EDC4: variants seen among roughly 807,000 people sequenced by gnomAD.
EDC4 encodes enhancer of mRNA-decapping protein 4.
A neutral mutation model predicts 155.8 loss-of-function variants in EDC4; 64 were observed. The ratio of observed to expected loss-of-function variants is 0.41; its 90% CI spans 0.34 to 0.51. The LOEUF (loss-of-function observed/expected upper bound fraction) is 0.51. EDC4 is among the 20% of genes least tolerant of loss of function. The probability of loss-of-function intolerance (pLI) is 0.19; values close to 1 mark genes in which losing one functional copy is unlikely to be tolerated. For missense variants in EDC4, 1,303 were observed against 1,812.5 expected, an observed-to-expected ratio of 0.72 and a Z score of 5.10; for synonymous variants, 684 against 716.8, an observed-to-expected ratio of 0.95 and a Z score of 0.73.
chr16:67,876,711 C>T lies in EDC4; in HGVS notation c.351+112C>T. 6.4e-7 allele frequency: 1 copy of T among 1,553,942 alleles called. No homozygotes were observed. The highest frequency in any genetic ancestry group is 8.7e-7 in the Non-Finnish European group (1 of 1,147,554). On this transcript the variant is annotated intron_variant, in intron 3 of 28. Coordinates refer to ENST00000358933, the MANE Select transcript of EDC4 (RefSeq NM_014329.5). The surrounding 1 kb of genome is among the most constrained non-coding windows in gnomAD (Gnocchi z 5.8). The stretch of plus-strand genomic sequence containing the variant: ...GACCACCTTGACACTTTCCCAGTTT[C>T]AGGAAGCCAGGGCTGGGTGCCAAGC...
At position 67,877,182 on chromosome 16, in the gene EDC4, T is replaced by TA. The variant is rs2058045305; in HGVS notation, c.452-34dup. On this transcript the variant is annotated intron_variant, in intron 4 of 28. Coordinates refer to ENST00000358933, the MANE Select transcript of EDC4 (RefSeq NM_014329.5). The surrounding 1 kb of genome is among the most constrained non-coding windows in gnomAD (Gnocchi z 4.9). ...TTCTCTGCTACTGCCTGAGCCTGGATACGTATTCATGGTCCACTGCTCTCC... is the reference window on the plus strand; with the variant it reads ...TTCTCTGCTACTGCCTGAGCCTGGATAACGTATTCATGGTCCACTGCTCTCC... The TA allele has an allele frequency of 1.9e-6, 3 of 1,591,010 alleles. No individual in the cohort carries two copies. The South Asian group carries it at 3.4e-5, about 18-fold the overall frequency.
rs1183062607 is a variant in EDC4 at position 67,879,318 on chromosome 16, G to T, written c.1541+9G>T. ...TTTTGTGTGCATACTAAGTGAGTGA[G>T]TGGGGAGGCCCGCCAGTGTCCTGTC... On this transcript the variant is annotated intron_variant, in intron 13 of 28. Coordinates refer to ENST00000358933, the MANE Select transcript of EDC4 (RefSeq NM_014329.5). The surrounding 1 kb of genome is among the most constrained non-coding windows in gnomAD (Gnocchi z 6.0). 23 of 1,614,084 alleles carry T rather than the reference G, an allele frequency of 1.4e-5. No homozygotes were observed. The highest frequency in any genetic ancestry group is 1.8e-5 in the Non-Finnish European group (21 of 1,180,026).
At chr16:67,874,274 G>C (rs1442471731) in intron 1 of EDC4, among the ~76,000 whole-genome samples, 1 of 152,222 alleles carries the variant, frequency 6.6e-6, no homozygotes, top group African/African-American at 2.4e-5. Context: ...AGTGGCCGGT[G>C]ATGATGGTGT....
In EDC4 at chr16:67,883,854, C is replaced by CT. The variant is rs2058081700; in HGVS notation, c.4014-101dup. 1 of 1,536,462 alleles carries CT rather than the reference C, an allele frequency of 6.5e-7. No individual in the cohort carries two copies. The highest frequency in any genetic ancestry group is 8.8e-7 in the Non-Finnish European group (1 of 1,135,110). On this transcript the variant is annotated intron_variant, in intron 28 of 28. Coordinates refer to ENST00000358933, the MANE Select transcript of EDC4 (RefSeq NM_014329.5). The surrounding 1 kb of genome is among the most constrained non-coding windows in gnomAD (Gnocchi z 5.3). Reference sequence around the variant, plus strand: ...CCCTAATTTTCTCCACCAGTCCTTTCTGCCTTCACCCAGAGGGTTCCCTCT... The same window carrying CT: ...CCCTAATTTTCTCCACCAGTCCTTTCTTGCCTTCACCCAGAGGGTTCCCTCT...
Position 67,879,368 on chromosome 16 carries a change from C to G in EDC4, c.1542-44C>G. 1.9e-6 allele frequency: 3 copies of G among 1,614,200 alleles called. No individual in the cohort carries two copies. Among genetic ancestry groups the G allele is most frequent in the Non-Finnish European group, 2.5e-6 (3 of 1,180,030 alleles). ...CTGTGTCTGTCTCCACTCTACTGACCCTTGCCCTTGGAGCACTTTATTCTC... is the reference window on the plus strand; with the variant it reads ...CTGTGTCTGTCTCCACTCTACTGACGCTTGCCCTTGGAGCACTTTATTCTC... On this transcript the variant is annotated intron_variant, in intron 13 of 28. Transcript: ENST00000358933. The surrounding 1 kb of genome is among the most constrained non-coding windows in gnomAD (Gnocchi z 6.0).
At position 67,884,297 on chromosome 16, in the gene EDC4, G is replaced by T; in HGVS notation, c.*149G>T. On this transcript the variant is annotated 3_prime_UTR_variant, in exon 29 of 29. Coordinates refer to ENST00000358933, the MANE Select transcript of EDC4 (RefSeq NM_014329.5). This position sits in a 1 kb window ranked among gnomAD's most constrained non-coding sequence, Gnocchi z 4.1. ...CAGGGAGCAGGGAGCACTGGCCGTG[G>T]TCTACAGCGTGTGGTAGTCAGAAGG... is the stretch of plus-strand genomic sequence containing the variant. The T allele has an allele frequency of 1.4e-6, 1 of 737,550 alleles. No homozygotes were observed. The highest frequency in any genetic ancestry group is 2.1e-6 in the Non-Finnish European group (1 of 466,648). The allele number at this position is 737,550 out of a possible 1,614,324, so 45.7% of individuals were successfully genotyped here.
At position 67,883,183 on chromosome 16, in the gene EDC4, A is replaced by G; in HGVS notation, c.3849+6A>G. On this transcript the variant is annotated splice_donor_region_variant and intron_variant, in intron 27 of 28. Coordinates refer to ENST00000358933, the MANE Select transcript of EDC4 (RefSeq NM_014329.5). The surrounding 1 kb of genome is among the most constrained non-coding windows in gnomAD (Gnocchi z 5.3). ...TCAATCAGGCCTTCCAGCAGGTACG[A>G]TAGGCATTAGGCCCTGCTAAGGGTC... 3 of 1,564,568 alleles carry G rather than the reference A, an allele frequency of 1.9e-6. No individual in the cohort carries two copies. Among genetic ancestry groups the G allele is most frequent in the Non-Finnish European group, 2.6e-6 (3 of 1,156,342 alleles).
rs762617198 is a variant in EDC4 at position 67,883,960 on chromosome 16, C to T, written c.4018C>T (p.Leu1340=). The T allele has an allele frequency of 2.0e-5, 32 of 1,595,632 alleles. No individual in the cohort carries two copies. Among genetic ancestry groups the T allele is most frequent in the East Asian group, 4.5e-5 (2 of 44,480 alleles). ...TCCTTTCCCCCCCATCCCCAGCTAC[C>T]TGGAAGAGGCCGTGATGCACCTGGA... ...GTRTDLKLSY[L]EEAVMHLDHS... Residue 1340 remains leucine, a synonymous_variant, in exon 29 of 29, where the codon CTG becomes TTG. Transcript: ENST00000358933. This position sits in a 1 kb window ranked among gnomAD's most constrained non-coding sequence, Gnocchi z 5.3.
Position 67,879,782 on chromosome 16 carries a change from C to A in EDC4, c.1821+8C>A. ...AGCGCCTCCTTGCAGCAGGTACTCT[C>A]CCAGGGTAGGGGGACCTGGGAATGC... On this transcript the variant is annotated splice_region_variant and intron_variant, in intron 15 of 28. Coordinates refer to ENST00000358933, the MANE Select transcript of EDC4 (RefSeq NM_014329.5). The surrounding 1 kb of genome is among the most constrained non-coding windows in gnomAD (Gnocchi z 6.0). The A allele has an allele frequency of 6.2e-7, 1 of 1,613,842 alleles. No homozygotes were observed. The highest frequency in any genetic ancestry group is 1.1e-5 in the South Asian group (1 of 91,078).
Position 67,879,820 on chromosome 16 carries a change from C to CCACAGGT in EDC4, c.1822-28_1822-22dup. 6.2e-7 allele frequency: 1 copy of CCACAGGT among 1,613,342 alleles called. No homozygotes were observed. Among genetic ancestry groups the CCACAGGT allele is most frequent in the Non-Finnish European group, 8.5e-7 (1 of 1,179,568 alleles). On this transcript the variant is annotated intron_variant, in intron 15 of 28. Coordinates refer to ENST00000358933, the MANE Select transcript of EDC4 (RefSeq NM_014329.5). The surrounding 1 kb of genome is among the most constrained non-coding windows in gnomAD (Gnocchi z 6.0). ...GACCTGGGAATGCCTCAGCCACAGG[C>CCACAGGT]CACAGGTCTTATTTCCTGCATCTCC... is the stretch of plus-strand genomic sequence containing the variant.
In EDC4 at chr16:67,882,873, G is replaced by A. The variant is rs1381658953; in HGVS notation, c.3629+8G>A. 9.9e-6 allele frequency: 16 copies of A among 1,614,150 alleles called. No individual in the cohort carries two copies. The highest frequency in any genetic ancestry group is 1.4e-5 in the Non-Finnish European group (16 of 1,180,028). ...GCATGTGGCTGTGGGCAGGTGTGTG[G>A]GCAGAGTACTGGGCAAGGTGGTGGG... is the stretch of plus-strand genomic sequence containing the variant. On this transcript the variant is annotated splice_region_variant and intron_variant, in intron 26 of 28. Transcript: ENST00000358933. The surrounding 1 kb of genome is among the most constrained non-coding windows in gnomAD (Gnocchi z 7.2).
At position 67,882,684 on chromosome 16, in the gene EDC4, C is replaced by T; in HGVS notation, c.3448C>T (p.Gln1150Ter). 1 of 1,614,254 alleles carries T rather than the reference C, an allele frequency of 6.2e-7. No individual in the cohort carries two copies. The highest frequency in any genetic ancestry group is 8.5e-7 in the Non-Finnish European group (1 of 1,180,052). The change falls in exon 26 of 29, where the codon CAG becomes TAG. Residue 1150 changes from glutamine (Q) to a stop codon, truncating the protein, a stop_gained. Transcript: ENST00000358933. LOFTEE classifies it high-confidence loss of function. This position sits in a 1 kb window ranked among gnomAD's most constrained non-coding sequence, Gnocchi z 7.2. The part of the protein sequence containing the change: ...SFRLGTQEYL[Q>*]QLESHMKSRK... Reference sequence around the variant, plus strand: ...TCCCTGTGGTCACCCCTCAGACTTGCAGCAGCTAGAAAGCCACATGAAGAG... The same window carrying T: ...TCCCTGTGGTCACCCCTCAGACTTGTAGCAGCTAGAAAGCCACATGAAGAG...
In EDC4 at chr16:67,883,034, G is replaced by T. The variant is rs1427098121; in HGVS notation, c.3706G>T (p.Ala1236Ser). 2 of 1,613,872 alleles carry T rather than the reference G, an allele frequency of 1.2e-6. No homozygotes were observed. Among genetic ancestry groups the T allele is most frequent in the South Asian group, 2.2e-5 (2 of 91,088 alleles). Residue 1236 changes from alanine (A) to serine (S), a missense_variant, in exon 27 of 29, where the codon GCC (alanine) becomes TCC (serine). Ala to Ser is a moderately conservative substitution (Grantham distance 99). Coordinates refer to ENST00000358933, the MANE Select transcript of EDC4 (RefSeq NM_014329.5). The surrounding 1 kb of genome is among the most constrained non-coding windows in gnomAD (Gnocchi z 5.3). ...EVSVALKEQQ[A>S]AVTSSIMQAM... is the part of the protein sequence containing the mutation. ...GAGTGTGGCGCTCAAGGAGCAGCAG[G>T]CCGCCGTCACCTCCAGCATCATGCA...
In EDC4 at chr16:67,881,688, C is replaced by G; in HGVS notation, c.2847C>G (p.Asp949Glu). 2 of 1,613,654 alleles carry G rather than the reference C, an allele frequency of 1.2e-6. No homozygotes were observed. Among genetic ancestry groups the G allele is most frequent in the Non-Finnish European group, 1.7e-6 (2 of 1,179,658 alleles). Residue 949 changes from aspartate (D) to glutamate (E), a missense_variant, in exon 22 of 29, where the codon GAC becomes GAG. Around this residue, in one of 5 missense-constraint regions of EDC4, gnomAD observed 527 missense variants for 757.0 expected, o/e 0.70. Coordinates refer to ENST00000358933, the MANE Select transcript of EDC4 (RefSeq NM_014329.5). This position sits in a 1 kb window ranked among gnomAD's most constrained non-coding sequence, Gnocchi z 5.4. Reference sequence around the variant, plus strand: ...GACAGGTGGCAGAGCCCCCTGAGGACTGGCCAGCACTAATTTGGCAACAGC... The same window carrying G: ...GACAGGTGGCAGAGCCCCCTGAGGAGTGGCCAGCACTAATTTGGCAACAGC... ...TEHQVAEPPEDWPALIWQQQR... is the reference protein window; with the variant it reads ...TEHQVAEPPEEWPALIWQQQR...
Position 67,879,921 on chromosome 16 carries a change from A to G in EDC4, c.1893A>G (p.Thr631=). 1 of 1,613,814 alleles carries G rather than the reference A, an allele frequency of 6.2e-7. No individual in the cohort carries two copies. Among genetic ancestry groups the G allele is most frequent in the South Asian group, 1.1e-5 (1 of 91,068 alleles). Residue 631 remains threonine, a synonymous_variant, in exon 16 of 29, where the codon ACA becomes ACG. Transcript: ENST00000358933. The surrounding 1 kb of genome is among the most constrained non-coding windows in gnomAD (Gnocchi z 6.0). The stretch of plus-strand genomic sequence containing the variant: ...GCAGCAGTAGCAGCAGCTCCCTTAC[A>G]GCTGTGTCTGCCATGAGCAGCACCT... ...SSSSSSSSSL[T]AVSAMSSTSA... is the part of the protein sequence containing the mutation.
Position 67,883,659 on chromosome 16 carries a change from C to G in EDC4, c.3941C>G (p.Ser1314Cys). 1.9e-6 allele frequency: 3 copies of G among 1,614,204 alleles called. No individual in the cohort carries two copies. The highest frequency in any genetic ancestry group is 2.5e-6 in the Non-Finnish European group (3 of 1,180,034). The change falls in exon 28 of 29, where the codon TCC (serine) becomes TGC (cysteine). Residue 1314 changes from serine to cysteine, a missense_variant. Physicochemically the swap from Ser to Cys is moderately radical, Grantham distance 112. Around this residue, in one of 5 missense-constraint regions of EDC4, gnomAD observed 527 missense variants for 757.0 expected, o/e 0.70. Coordinates refer to ENST00000358933, the MANE Select transcript of EDC4 (RefSeq NM_014329.5). The surrounding 1 kb of genome is among the most constrained non-coding windows in gnomAD (Gnocchi z 5.3). ...QVFGQPPCPL[S>C]QPVLLSLIQQ... ...TTTGGGCAGCCACCCTGCCCGCTCTCCCAGCCTGTGCTCCTTTCCCTCATC... is the reference window on the plus strand; with the variant it reads ...TTTGGGCAGCCACCCTGCCCGCTCTGCCAGCCTGTGCTCCTTTCCCTCATC...
In EDC4 at chr16:67,883,580, G is replaced by A. The variant is rs926398148; in HGVS notation, c.3862G>A (p.Ala1288Thr). Residue 1288 changes from alanine (A) to threonine (T), a missense_variant, in exon 28 of 29, where the codon GCT (alanine) becomes ACT (threonine). Around this residue, in one of 5 missense-constraint regions of EDC4, gnomAD observed 527 missense variants for 757.0 expected, o/e 0.70. Coordinates refer to ENST00000358933, the MANE Select transcript of EDC4 (RefSeq NM_014329.5). This position sits in a 1 kb window ranked among gnomAD's most constrained non-coding sequence, Gnocchi z 5.3. ...TTTTCTCCTCCAGGCGCTGACAGCT[G>A]CTGACCTGAACCTGGTGCTGTATGT... The part of the protein sequence containing the change: ...NQAFQQALTA[A>T]DLNLVLYVCE... 1.9e-6 allele frequency: 3 copies of A among 1,613,804 alleles called. No individual in the cohort carries two copies. Among genetic ancestry groups the A allele is most frequent in the Middle Eastern group, 1.6e-4 (1 of 6,062 alleles).
Position 67,880,709 on chromosome 16 carries a change from G to A in EDC4, c.2250G>A (p.Glu750=), listed in dbSNP as rs1312074903. The A allele has an allele frequency of 1.2e-6, 2 of 1,614,196 alleles. No homozygotes were observed. The highest frequency in any genetic ancestry group is 8.5e-7 in the Non-Finnish European group (1 of 1,180,022). Residue 750 remains glutamate (E), a synonymous_variant, in exon 18 of 29, where the codon GAG becomes GAA. Coordinates refer to ENST00000358933, the MANE Select transcript of EDC4 (RefSeq NM_014329.5). The surrounding 1 kb of genome is among the most constrained non-coding windows in gnomAD (Gnocchi z 5.2). The part of the protein sequence containing the change: ...LSQDIPEIAS[E]ALSRGFGSSA... ...AGGACATCCCTGAGATTGCATCTGA[G>A]GCCCTGTCCCGTGGTTTTGGCTCCT... is the stretch of plus-strand genomic sequence containing the variant.
In EDC4 at chr16:67,880,832, C is replaced by A; in HGVS notation, c.2373C>A (p.Pro791=). 1 of 1,613,978 alleles carries A rather than the reference C, an allele frequency of 6.2e-7. No individual in the cohort carries two copies. Among genetic ancestry groups the A allele is most frequent in the Non-Finnish European group, 8.5e-7 (1 of 1,180,008 alleles). Residue 791 remains proline (P), a synonymous_variant, in exon 18 of 29, where the codon CCC becomes CCA. Coordinates refer to ENST00000358933, the MANE Select transcript of EDC4 (RefSeq NM_014329.5). This position sits in a 1 kb window ranked among gnomAD's most constrained non-coding sequence, Gnocchi z 5.2. ...CCCGGCCAGGGCCCGAGCTCGGCCC[C>A]CAGCTCGGGCTTGATGGAGGCCCTG... The part of the protein sequence containing the change: ...PRPRPGPELG[P]QLGLDGGPGD...
Sources: gnomAD v4.1 joint callset for allele counts (sites outside exome capture counted in the v4.1 genomes callset) on GRCh38, gnomAD v4.1.1 for gene constraint, gnomAD v4.1.1 regional missense constraint, Gnocchi (gnomAD v3.1) non-coding constraint, MANE v1.5 for transcripts, NCBI Gene and HGNC (gene_info 2026-07-23, HGNC 2026-07-21) for gene names.